Variants in TPRN observed in about 807,000 individuals in gnomAD.
TPRN encodes chromosome 9 open reading frame 75.
Under a neutral mutation model 42.6 loss-of-function variants are expected in TPRN, and 32 were observed. That is an observed-to-expected ratio of 0.75 (90% CI 0.57 to 1.01). The LOEUF (loss-of-function observed/expected upper bound fraction) is 1.01, where lower values mean the gene tolerates loss of function less well. Ranked by LOEUF, TPRN falls within the 50% of genes least tolerant of loss-of-function variation. TPRN has a pLI of 0.00. For missense variants in TPRN, 1,095 were observed against 957.5 expected, an observed-to-expected ratio of 1.14 and a Z score of -1.90; for synonymous variants, 541 against 445.6, an observed-to-expected ratio of 1.21 and a Z score of -2.70.
At position 137,192,052 on chromosome 9, in the gene TPRN, AC is replaced by A. The variant is rs1247442195; in HGVS notation, c.*59del. 190 of 1,591,416 alleles carry A rather than the reference AC, an allele frequency of 1.2e-4. 1 individual carries two copies. The highest frequency in any genetic ancestry group is 1.5e-4 in the Non-Finnish European group (181 of 1,168,854). Reference sequence around the variant, plus strand: ...GAAGCGGGTGCAGTAGTCCCTGGCTACTGCCCAGCTTCCGGGACTCCCACAG... The same window carrying A: ...GAAGCGGGTGCAGTAGTCCCTGGCTATGCCCAGCTTCCGGGACTCCCACAG... On this transcript the variant is annotated 3_prime_UTR_variant, in exon 4 of 4. Transcript: ENST00000409012.
rs757344465 is a variant in TPRN at position 137,199,067 on chromosome 9, C to T, written c.1645G>A (p.Val549Met). The T allele has an allele frequency of 1.4e-5, 23 of 1,613,214 alleles. No individual in the cohort carries two copies. Among genetic ancestry groups the T allele is most frequent in the Admixed American group, 1.7e-5 (1 of 60,010 alleles). Residue 549 changes from valine (V) to methionine (M), a missense_variant, in exon 1 of 4, where the codon GTG becomes ATG. Coordinates refer to ENST00000409012, the MANE Select transcript of TPRN (RefSeq NM_001128228.3). ...CCGCCAATCACCTCGATCTCATGCA[C>T]GGTGGGGTAGCGCTTCTTCAACGTG... is the stretch of plus-strand genomic sequence containing the variant. ...GPTLKKRYPT[V>M]HEIEVIGGYL...
At position 137,199,446 on chromosome 9, in the gene TPRN, G is replaced by A; in HGVS notation, c.1266C>T (p.Phe422=). The A allele has an allele frequency of 2.5e-6, 4 of 1,608,726 alleles. No individual in the cohort carries two copies. The highest frequency in any genetic ancestry group is 3.4e-6 in the Non-Finnish European group (4 of 1,178,234). The part of the protein sequence containing the change: ...RWQRPSSPPP[F]LPAASEEAEP... Reference sequence around the variant, plus strand: ...CAGCTTCTTCCGAAGCAGCCGGCAGGAAGGGGGGCGGTGAGGACGGCCTCT... The same window carrying A: ...CAGCTTCTTCCGAAGCAGCCGGCAGAAAGGGGGGCGGTGAGGACGGCCTCT... The change falls in exon 1 of 4, where the codon TTC becomes TTT. Residue 422 remains phenylalanine, a synonymous_variant. Coordinates refer to ENST00000409012, the MANE Select transcript of TPRN (RefSeq NM_001128228.3).
Position 137,200,716 on chromosome 9 carries a change from C to G in TPRN, c.-5G>C. ...CGGCCGCCCCAGGGCGGCCATGCTG[C>G]GAACGCGGCAGCGGACGGCTGGACT... On this transcript the variant is annotated 5_prime_UTR_variant, in exon 1 of 4. Coordinates refer to ENST00000409012, the MANE Select transcript of TPRN (RefSeq NM_001128228.3). This position sits in a 1 kb window ranked among gnomAD's most constrained non-coding sequence, Gnocchi z 4.3. The G allele has an allele frequency of 8.6e-7, 1 of 1,156,294 alleles. No homozygotes were observed. Among genetic ancestry groups the G allele is most frequent in the South Asian group, 3.0e-5 (1 of 33,548 alleles). The allele number at this position is 1,156,294 out of a possible 1,614,324, so 71.6% of individuals were successfully genotyped here.
intron 1 of TPRN, 104 bp from the exon 2 acceptor site, chr9:137,192,795 G>T: frequency 2.4e-6 from 3 of 1,274,128 alleles, no homozygotes; most frequent in Non-Finnish European, 3.4e-6. Context: ...CAAGTGGGGC[G>T]CCAGACACAC....
At position 137,200,502 on chromosome 9, in the gene TPRN, G is replaced by A; in HGVS notation, c.210C>T (p.Arg70=). 1 of 1,148,848 alleles carries A rather than the reference G, an allele frequency of 8.7e-7. No individual in the cohort carries two copies. Among genetic ancestry groups the A allele is most frequent in the Non-Finnish European group, 1.1e-6 (1 of 932,844 alleles). 71.2% of individuals were successfully genotyped at this position (1,148,848 alleles called of 1,614,324 possible). ...PFMLLEAERR[R]GGGAAGARLL... ...GCCGCGCCCCCGCCGCGCCCCCGCC[G>A]CGCCGCCGCTCGGCCTCCAGCAGCA... is the stretch of plus-strand genomic sequence containing the variant. The change falls in exon 1 of 4, where the codon CGC becomes CGT. Residue 70 remains arginine, a synonymous_variant. Coordinates refer to ENST00000409012, the MANE Select transcript of TPRN (RefSeq NM_001128228.3). The surrounding 1 kb of genome is among the most constrained non-coding windows in gnomAD (Gnocchi z 4.3).
At position 137,200,057 on chromosome 9, in the gene TPRN, G is replaced by A; in HGVS notation, c.655C>T (p.Arg219Cys). 2.1e-6 allele frequency: 3 copies of A among 1,433,804 alleles called. No individual in the cohort carries two copies. Among genetic ancestry groups the A allele is most frequent in the East Asian group, 2.5e-5 (1 of 39,296 alleles). The allele number at this position is 1,433,804 out of a possible 1,614,324, so 88.8% of individuals were successfully genotyped here. ...PRGLHRGAGA[R>C]LLSNGHSAPE... is the part of the protein sequence containing the mutation. ...GCCGAGTGCCCGTTGGAGAGCAGGCGGGCGCCCGCGCCGCGGTGCAGACCC... is the reference window on the plus strand; with the variant it reads ...GCCGAGTGCCCGTTGGAGAGCAGGCAGGCGCCCGCGCCGCGGTGCAGACCC... The change falls in exon 1 of 4, where the codon CGC (arginine) becomes TGC (cysteine). Residue 219 changes from arginine (R) to cysteine (C), a missense_variant. By Grantham distance (180) the Arg-to-Cys change is radical. Transcript: ENST00000409012. The surrounding 1 kb of genome is among the most constrained non-coding windows in gnomAD (Gnocchi z 4.3).
chr9:137,198,591 G>A (rs1834741052), intron 1 of TPRN, among the ~76,000 whole-genome samples: 2 of 152,374 alleles, frequency 1.3e-5, no homozygotes, highest in Middle Eastern at 3.4e-3. Context: ...GCCTCCAGGA[G>A]ACCATGTGAG....
At chr9:137,196,951 G>A (rs954732856) in intron 1 of TPRN, among the ~76,000 whole-genome samples, 5 of 152,276 alleles carry the variant, frequency 3.3e-5, no homozygotes, top group Admixed American at 6.5e-5. Flanking sequence ...AGGCTGGCCC[G>A]AGCTCCTCCC....
In TPRN at chr9:137,192,362, A is replaced by G; in HGVS notation, c.1970T>C (p.Leu657Pro). The G allele has an allele frequency of 1.2e-6, 2 of 1,612,970 alleles. No homozygotes were observed. The highest frequency in any genetic ancestry group is 1.7e-6 in the Non-Finnish European group (2 of 1,180,010). Residue 657 changes from leucine to proline, a missense_variant, in exon 3 of 4, where the codon CTG becomes CCG. Coordinates refer to ENST00000409012, the MANE Select transcript of TPRN (RefSeq NM_001128228.3). Reference protein sequence around the residue: ...SSRLPEGSSGLSSYTPKHSVA... With the variant: ...SSRLPEGSSGPSSYTPKHSVA... ...AGAGTGCTTCGGGGTGTAGCTGGACAGGCCTGTGAATGGAGGTGCACATGC... is the reference window on the plus strand; with the variant it reads ...AGAGTGCTTCGGGGTGTAGCTGGACGGGCCTGTGAATGGAGGTGCACATGC...
chr9:137,200,119 T>C lies in TPRN; in HGVS notation c.593A>G (p.Gln198Arg), dbSNP rs1834781102. ...SPGARRSDFL[Q>R]KTGSNSFTVH... ...GGTGAAGGAGTTGCTGCCGGTCTTCTGGAGGAAGTCGCTGCGCCGGGCCCC... is the reference window on the plus strand; with the variant it reads ...GGTGAAGGAGTTGCTGCCGGTCTTCCGGAGGAAGTCGCTGCGCCGGGCCCC... The change falls in exon 1 of 4, where the codon CAG becomes CGG. Residue 198 changes from glutamine (Q) to arginine (R), a missense_variant. Coordinates refer to ENST00000409012, the MANE Select transcript of TPRN (RefSeq NM_001128228.3). This position sits in a 1 kb window ranked among gnomAD's most constrained non-coding sequence, Gnocchi z 4.3. The C allele has an allele frequency of 2.4e-6, 3 of 1,246,270 alleles. No individual in the cohort carries two copies. Among genetic ancestry groups the C allele is most frequent in the South Asian group, 6.7e-5 (2 of 29,770 alleles). The allele number at this position is 1,246,270 out of a possible 1,614,324, so 77.2% of individuals were successfully genotyped here.
At chr9:137,198,157 A>T (rs1207517774) in intron 1 of TPRN, among the ~76,000 whole-genome samples, 1 of 152,210 alleles carries the variant, frequency 6.6e-6, no homozygotes, top group Non-Finnish European at 1.5e-5. Context: ...GCCCCCCCTC[A>T]GTCCCCAGGA....
Position 137,200,178 on chromosome 9 carries a change from G to A in TPRN, c.534C>T (p.Ala178=), listed in dbSNP as rs1351312038. 7 of 1,076,638 alleles carry A rather than the reference G, an allele frequency of 6.5e-6. No homozygotes were observed. Among genetic ancestry groups the A allele is most frequent in the Non-Finnish European group, 6.7e-6 (6 of 890,108 alleles). The allele number at this position is 1,076,638 out of a possible 1,614,324, so 66.7% of individuals were successfully genotyped here. A position where few individuals can be genotyped will look rare whatever the true frequency, so the allele number is the denominator to read the frequency against. ...RPPPAAPSPP[A]APGPRGGGAS... is the part of the protein sequence containing the mutation. ...CCCCGCCACCGCGGGGCCCGGGCGCGGCGGGCGGGCTGGGGGCCGCGGGCG... is the reference window on the plus strand; with the variant it reads ...CCCCGCCACCGCGGGGCCCGGGCGCAGCGGGCGGGCTGGGGGCCGCGGGCG... The change falls in exon 1 of 4, where the codon GCC becomes GCT. Residue 178 remains alanine (A), a synonymous_variant. Coordinates refer to ENST00000409012, the MANE Select transcript of TPRN (RefSeq NM_001128228.3). The surrounding 1 kb of genome is among the most constrained non-coding windows in gnomAD (Gnocchi z 4.3).
chr9:137,193,711 G>A (rs990169248), intron 1 of TPRN: 3 of 152,294 alleles, frequency 2.0e-5, no homozygotes, highest in African/African-American at 4.8e-5. Context: ...GAGGGAGCTC[G>A]AAATATTAAA....
At chr9:137,194,472 T>C (rs1338546503) in intron 1 of TPRN, 1 of 152,376 alleles carries the variant, frequency 6.6e-6, no homozygotes, top group Non-Finnish European at 1.5e-5. Context: ...TATGTGGAGC[T>C]AACCCAGATG....
Position 137,200,434 on chromosome 9 carries a change from C to T in TPRN, c.278G>A (p.Arg93His), listed in dbSNP as rs772686658. Reference sequence around the variant, plus strand: ...CTCGATGATGAGGACGCTGTCGGCGCGGAGGGCGCGCACGCCAGGCACGCG... The same window carrying T: ...CTCGATGATGAGGACGCTGTCGGCGTGGAGGGCGCGCACGCCAGGCACGCG... ...YRRVPGVRAL[R>H]ADSVLIIETV... The change falls in exon 1 of 4, where the codon CGC (arginine) becomes CAC (histidine). Residue 93 changes from arginine (R) to histidine (H), a missense_variant. Coordinates refer to ENST00000409012, the MANE Select transcript of TPRN (RefSeq NM_001128228.3). The surrounding 1 kb of genome is among the most constrained non-coding windows in gnomAD (Gnocchi z 4.3). 1 of 1,120,304 alleles carries T rather than the reference C, an allele frequency of 8.9e-7. No homozygotes were observed. The allele number at this position is 1,120,304 out of a possible 1,614,324, so 69.4% of individuals were successfully genotyped here. A position where few individuals can be genotyped will look rare whatever the true frequency, so the allele number is the denominator to read the frequency against.
chr9:137,199,366 A>C lies in TPRN; in HGVS notation c.1346T>G (p.Val449Gly), dbSNP rs767228295. The C allele has an allele frequency of 3.1e-6, 5 of 1,612,802 alleles. No individual in the cohort carries two copies. In the Admixed American group the frequency reaches 6.7e-5, roughly 21 times the overall value. ...GAAGGTGACAGGCAGCCCCGGCCTC[A>C]CATATTCCCGGCTATTCTTGGCCAA... ...PGLAKNSREY[V>G]RPGLPVTFID... Residue 449 changes from valine (V) to glycine (G), a missense_variant, in exon 1 of 4, where the codon GTG (valine) becomes GGG (glycine). By Grantham distance (109) the Val-to-Gly change is moderately radical (BLOSUM62 -3). Transcript: ENST00000409012.
Position 137,199,672 on chromosome 9 carries a change from C to A in TPRN, c.1040G>T (p.Gly347Val). Residue 347 changes from glycine to valine, a missense_variant, in exon 1 of 4, where the codon GGG becomes GTG. Transcript: ENST00000409012. ...SKASGAPPPE[G>V]RQSVELPKGD... ...CTTTGGCAGCTCCACGGACTGCCTCCCCTCAGGAGGAGGAGCCCCGGAGGC... is the reference window on the plus strand; with the variant it reads ...CTTTGGCAGCTCCACGGACTGCCTCACCTCAGGAGGAGGAGCCCCGGAGGC... 6.3e-7 allele frequency: 1 copy of A among 1,598,096 alleles called. No homozygotes were observed. The highest frequency in any genetic ancestry group is 2.3e-5 in the East Asian group (1 of 44,270).
intron 1 of TPRN, among the ~76,000 whole-genome samples, chr9:137,196,360 G>C (rs1287054346): frequency 1.3e-5 from 2 of 152,228 alleles, no homozygotes; most frequent in Non-Finnish European, 2.9e-5. Flanking sequence ...GCTAAGGCAG[G>C]CGGATCATCT....
chr9:137,198,332 G>A lies in TPRN; in HGVS notation c.1725+655C>T, dbSNP rs192369983. On this transcript the variant is annotated intron_variant, in intron 1 of 3. Coordinates refer to ENST00000409012, the MANE Select transcript of TPRN (RefSeq NM_001128228.3). The stretch of plus-strand genomic sequence containing the variant: ...ATTCCAGGCCACTGGCCAAGAGGGA[G>A]ACTCCCCTGCCTGGCTGGCTCAGAG... Among the ~76,000 whole-genome samples the A allele has an allele frequency of 1.1e-4, 17 of 152,324 alleles. No homozygotes were observed. In the East Asian group the frequency reaches 3.1e-3, roughly 28 times the overall value.
Sources: gnomAD v4.1 joint callset for allele counts (sites outside exome capture counted in the v4.1 genomes callset) on GRCh38, gnomAD v4.1.1 for gene constraint, Gnocchi (gnomAD v3.1) non-coding constraint, MANE v1.5 for transcripts, NCBI Gene and HGNC (gene_info 2026-07-23, HGNC 2026-07-21) for gene names.